The following TBPL1 variants were observed in gnomAD, a reference collection of about 807,000 sequenced individuals.
The protein encoded by TBPL1 is TATA box-binding protein-like 1.
TBPL1 carries 4 observed loss-of-function variants against 22.1 expected under a neutral mutation model. That is an observed-to-expected ratio of 0.18 (90% CI 0.09 to 0.41). TBPL1 has a LOEUF of 0.41. TBPL1 is among the 10% of genes least tolerant of loss of function. The pLI, the probability that TBPL1 is intolerant of heterozygous loss-of-function variation, is 1.00. For synonymous variants in TBPL1, 64 were observed against 71.0 expected (o/e 0.90, Z 0.50); for missense variants, 115 against 222.3 (o/e 0.52, Z 3.07).
At chr6:133,983,677 T>C (rs79656601) in intron 4 of TBPL1, among the ~76,000 whole-genome samples, 2,979 of 152,292 alleles carry the variant, frequency 0.02, 68 homozygotes, top group East Asian at 0.11. Context: ...AAGGCTGAGT[T>C]GAAGGATAGT....
chr6:133,960,910 G>A (rs1350042470), intron 1 of TBPL1, among the ~76,000 whole-genome samples: 1 of 152,202 alleles, frequency 6.6e-6, no homozygotes, highest in South Asian at 2.1e-4. Flanking sequence ...GTCAGTAGGT[G>A]TGTTTTAATT....
intron 2 of TBPL1, among the ~76,000 whole-genome samples, chr6:133,981,882 C>A (rs1776419661): frequency 6.6e-6 from 1 of 152,196 alleles, no homozygotes; most frequent in Non-Finnish European, 1.5e-5. Flanking sequence ...TATTTATACA[C>A]ACTCTGTAGT....
chr6:133,974,256 G>C (rs1776274655), intron 1 of TBPL1, among the ~76,000 whole-genome samples: 1 of 152,096 alleles, frequency 6.6e-6, no homozygotes, highest in Non-Finnish European at 1.5e-5. Flanking sequence ...TATTTAACTA[G>C]TTCCTTTTCA....
intron 1 of TBPL1, among the ~76,000 whole-genome samples, chr6:133,963,888 AAAAT>A (rs1776070314): frequency 6.6e-6 from 1 of 151,704 alleles, no homozygotes. Context: ...AAAAAAAAAA[AAAAT>A]TAGCCAGGCG....
chr6:133,984,278 A>G (rs1776468282), intron 4 of TBPL1, 98 bp from the exon 5 acceptor site: 2 of 864,432 alleles, frequency 2.3e-6, no homozygotes, highest in East Asian at 2.7e-5. Context: ...TTTTTGTTTT[A>G]TCTTGTTTGC....
At chr6:133,985,276 TA>T (rs1229100828) in intron 6 of TBPL1, among the ~76,000 whole-genome samples, 14 of 12,918 alleles carry the variant, frequency 1.1e-3, no homozygotes, top group East Asian at 5.5e-3. Context: ...AGACTCTGTC[TA>T]AAAAAAAAAA....
intron 1 of TBPL1, among the ~76,000 whole-genome samples, chr6:133,964,520 G>T (rs1776084889): frequency 6.8e-6 from 1 of 146,850 alleles, no homozygotes; most frequent in Non-Finnish European, 1.5e-5. Context: ...GCACCATCTT[G>T]GCTCACTGCA....
At chr6:133,969,358 T>G (rs758797233) in intron 1 of TBPL1, among the ~76,000 whole-genome samples, 3 of 152,012 alleles carry the variant, frequency 2.0e-5, no homozygotes, top group Non-Finnish European at 4.4e-5. Context: ...ATATAGATTT[T>G]TTTAACCATA....
intron 1 of TBPL1, among the ~76,000 whole-genome samples, chr6:133,968,163 A>G (rs1304401939): frequency 3.3e-5 from 5 of 151,860 alleles, no homozygotes; most frequent in Non-Finnish European, 7.4e-5. Flanking sequence ...TAATTTTTGT[A>G]TTTTTAGTAG....
chr6:133,970,935 C>T (rs1029212541), intron 1 of TBPL1, among the ~76,000 whole-genome samples: 3 of 152,208 alleles, frequency 2.0e-5, no homozygotes, highest in Admixed American at 2.0e-4. Flanking sequence ...TTTATCATTT[C>T]TTTGTGGTAA....
rs1377581247 is a variant in TBPL1 at position 133,988,520 on chromosome 6, A to G, written c.*1480A>G. 6.6e-6 allele frequency: 1 copy of G among 152,218 alleles called. No homozygotes were observed. Among genetic ancestry groups the G allele is most frequent in the Admixed American group, 6.5e-5 (1 of 15,280 alleles). The allele number at this position is 152,218 out of a possible 1,614,324, so 9.4% of individuals were successfully genotyped here. A position where few individuals can be genotyped will look rare whatever the true frequency, so the allele number is the denominator to read the frequency against. Reference sequence around the variant, plus strand: ...GAAAAATTGCAACATCCTAATCTCCATATATAGTACATTTTCCTTACTGTA... The same window carrying G: ...GAAAAATTGCAACATCCTAATCTCCGTATATAGTACATTTTCCTTACTGTA... On this transcript the variant is annotated 3_prime_UTR_variant, in exon 7 of 7. Transcript: ENST00000237264.
intron 1 of TBPL1, among the ~76,000 whole-genome samples, chr6:133,963,507 C>T (rs1776059235): frequency 6.6e-6 from 1 of 152,172 alleles, no homozygotes; most frequent in Non-Finnish European, 1.5e-5. Context: ...TCACTGCAGC[C>T]TTGACCTCCC....
rs1562672052 is a variant in TBPL1, at chr6:133,990,291, A to G, written c.*3251A>G. On this transcript the variant is annotated 3_prime_UTR_variant, in exon 7 of 7. Coordinates refer to ENST00000237264, the MANE Select transcript of TBPL1 (RefSeq NM_004865.4). ...TATACATTGTCATGAAAGCCTTACAAGGAGGCAGCTTTTCTAGGCTTGACT... is the reference window on the plus strand; with the variant it reads ...TATACATTGTCATGAAAGCCTTACAGGGAGGCAGCTTTTCTAGGCTTGACT... The G allele has an allele frequency of 6.6e-6, 1 of 152,644 alleles. No individual in the cohort carries two copies. Among genetic ancestry groups the G allele is most frequent in the Non-Finnish European group, 1.5e-5 (1 of 68,034 alleles). The allele number at this position is 152,644 out of a possible 1,614,324, so 9.5% of individuals were successfully genotyped here.
At chr6:133,981,154 G>T (rs991323287) in intron 2 of TBPL1, among the ~76,000 whole-genome samples, 7 of 151,878 alleles carry the variant, frequency 4.6e-5, no homozygotes, top group African/African-American at 1.7e-4. Context: ...TGTATTTTTA[G>T]TAGAGACGGG....
intron 5 of TBPL1, 24 bp downstream of exon 5, chr6:133,984,503 T>C (rs768489061): frequency 6.2e-7 from 1 of 1,611,542 alleles, no homozygotes; most frequent in African/African-American, 1.3e-5. Flanking sequence ...GCAATTTATC[T>C]TGAGAAATTA....
At chr6:133,984,721 C>T in intron 6 of TBPL1, 50 bp downstream of exon 6, 1 of 1,415,770 alleles carries the variant, frequency 7.1e-7, no homozygotes, top group South Asian at 1.2e-5. Flanking sequence ...TTGAATGATA[C>T]AAGATGCTCA....
chr6:133,966,458 A>T (rs1324996992), intron 1 of TBPL1, among the ~76,000 whole-genome samples: 1 of 152,156 alleles, frequency 6.6e-6, no homozygotes, highest in Non-Finnish European at 1.5e-5. Context: ...TTCACCCATG[A>T]TGGTTTTAAT....
intron 1 of TBPL1, among the ~76,000 whole-genome samples, chr6:133,955,894 T>G (rs1775917712): frequency 6.6e-6 from 1 of 152,228 alleles, no homozygotes; most frequent in Non-Finnish European, 1.5e-5. Flanking sequence ...CATAGAAAAT[T>G]GTCACATCAG....
chr6:133,955,708 G>A (rs1430762338), intron 1 of TBPL1, among the ~76,000 whole-genome samples: 1 of 152,200 alleles, frequency 6.6e-6, no homozygotes, highest in African/African-American at 2.4e-5. Flanking sequence ...TACTGTAATT[G>A]TAGACGGTCA....
Sources: allele counts gnomAD v4.1 joint callset (sites outside exome capture counted in the v4.1 genomes callset), GRCh38; gene constraint gnomAD v4.1.1; transcripts MANE v1.5; gene names NCBI Gene and HGNC (gene_info 2026-07-23, HGNC 2026-07-21).